Variants in CC2D2A observed in about 807,000 individuals in gnomAD.
CC2D2A encodes coiled-coil and C2 domain containing 2A.
A neutral mutation model predicts 212.9 loss-of-function variants in CC2D2A; 155 were observed. That is an observed-to-expected ratio of 0.73 (90% CI 0.64 to 0.83). The LOEUF (loss-of-function observed/expected upper bound fraction) is 0.83. Among genes scored for constraint, CC2D2A ranks in the 40% least tolerant of loss-of-function variants. The probability of loss-of-function intolerance (pLI) is 0.00; values close to 1 mark genes in which losing one functional copy is unlikely to be tolerated. For missense variants in CC2D2A, 1,856 were observed against 1,956.2 expected (o/e 0.95, Z 0.97); for synonymous variants, 667 against 686.5 (o/e 0.97, Z 0.44).
At position 15,580,045 on chromosome 4, in the gene CC2D2A, T is replaced by C; in HGVS notation, c.3849T>C (p.Asn1283=). Residue 1283 remains asparagine, a synonymous_variant, in exon 30 of 37, where the codon AAT becomes AAC. Coordinates refer to ENST00000424120, the MANE Select transcript of CC2D2A (RefSeq NM_001378615.1). ...FQAECALKFP[N]RQCLTTVIDI... is the part of the protein sequence containing the mutation. The stretch of plus-strand genomic sequence containing the variant: ...CTGAATGTGCCTTAAAGTTTCCAAA[T>C]CGTCAGTGCCTTACAACAGTAATTG... The C allele has an allele frequency of 6.2e-7, 1 of 1,613,978 alleles. No homozygotes were observed. The highest frequency in any genetic ancestry group is 8.5e-7 in the Non-Finnish European group (1 of 1,179,874).
chr4:15,587,226 G>T (rs1720891116), intron 31 of CC2D2A, among the ~76,000 whole-genome samples: 1 of 152,202 alleles, frequency 6.6e-6, no homozygotes. Flanking sequence ...ACTCCTATGA[G>T]AATCTAATGC....
intron 28 of CC2D2A, among the ~76,000 whole-genome samples, chr4:15,573,863 T>C (rs1041041250): frequency 1.3e-5 from 2 of 152,226 alleles, no homozygotes; most frequent in African/African-American, 4.8e-5. Context: ...GATTCCTCAT[T>C]TGTAAACCAA....
chr4:15,518,015 C>T (rs1284012659), intron 11 of CC2D2A, among the ~76,000 whole-genome samples: 2 of 152,140 alleles, frequency 1.3e-5, no homozygotes, highest in African/African-American at 4.8e-5. Context: ...CCCGGTTCCT[C>T]CCATGAAACC....
chr4:15,502,769 T>C, intron 5 of CC2D2A, 53 bp from the exon 6 acceptor site: 1 of 1,450,954 alleles, frequency 6.9e-7, no homozygotes. Context: ...TTACTGATTA[T>C]TTCTCGGCAT....
At chr4:15,498,563 T>C (rs540542601) in intron 4 of CC2D2A, among the ~76,000 whole-genome samples, 1 of 152,312 alleles carries the variant, frequency 6.6e-6, no homozygotes, top group African/African-American at 2.4e-5. Context: ...ATCATGCAGC[T>C]GATTAGTAAT....
chr4:15,487,823 G>C (rs1199917541), intron 4 of CC2D2A, among the ~76,000 whole-genome samples: 1 of 134,276 alleles, frequency 7.4e-6, no homozygotes, highest in Admixed American at 7.6e-5. Flanking sequence ...ATAGGTTTTT[G>C]CTCTGTGATT....
At chr4:15,522,465 T>C (rs1474831101) in intron 11 of CC2D2A, among the ~76,000 whole-genome samples, 1 of 152,074 alleles carries the variant, frequency 6.6e-6, no homozygotes, top group Non-Finnish European at 1.5e-5. Flanking sequence ...ATTTAAGAGT[T>C]TTATTTAGAA....
At position 15,599,677 on chromosome 4, in the gene CC2D2A, G is replaced by C; in HGVS notation, c.4645G>C (p.Glu1549Gln). The C allele has an allele frequency of 1.9e-6, 3 of 1,612,340 alleles. No individual in the cohort carries two copies. The highest frequency in any genetic ancestry group is 2.5e-6 in the Non-Finnish European group (3 of 1,178,716). The stretch of plus-strand genomic sequence containing the variant: ...AGATGTAGAAGATGACCACAGAGCA[G>C]AACTGCTAAAACAGCTGGGAGACTA... ...GEDVEDDHRA[E>Q]LLKQLGDYRF... Residue 1549 changes from glutamate (E) to glutamine (Q), a missense_variant, in exon 36 of 37, where the codon GAA becomes CAA. By Grantham distance (29) the Glu-to-Gln change is conservative. Around this residue, in one of 5 missense-constraint regions of CC2D2A, gnomAD observed 285 missense variants for 278.4 expected, o/e 1.02. Coordinates refer to ENST00000424120, the MANE Select transcript of CC2D2A (RefSeq NM_001378615.1).
intron 11 of CC2D2A, among the ~76,000 whole-genome samples, chr4:15,523,697 A>G (rs963650971): frequency 2.6e-5 from 4 of 152,226 alleles, no homozygotes; most frequent in Non-Finnish European, 4.4e-5. Context: ...GGCTAGGACC[A>G]GGGATTTGAT....
intron 4 of CC2D2A, among the ~76,000 whole-genome samples, chr4:15,491,694 C>T (rs376932075): frequency 3.3e-5 from 5 of 152,246 alleles, no homozygotes; most frequent in Admixed American, 1.3e-4. Context: ...CATGAGCCAC[C>T]GCACCCAGCT....
chr4:15,592,698 AC>A (rs1721164051), intron 33 of CC2D2A, among the ~76,000 whole-genome samples: 1 of 152,170 alleles, frequency 6.6e-6, no homozygotes, highest in African/African-American at 2.4e-5. Flanking sequence ...TTCTAGGACC[AC>A]ACCTATTATT....
In CC2D2A at chr4:15,514,844, G is replaced by T. The variant is rs367838364; in HGVS notation, c.855G>T (p.Met285Ile). 6.2e-7 allele frequency: 1 copy of T among 1,613,870 alleles called. No homozygotes were observed. The highest frequency in any genetic ancestry group is 8.5e-7 in the Non-Finnish European group (1 of 1,179,808). The change falls in exon 9 of 37, where the codon ATG (methionine) becomes ATT (isoleucine). Residue 285 changes from methionine (M) to isoleucine (I), a missense_variant. By Grantham distance (10) the Met-to-Ile change is conservative. Coordinates refer to ENST00000424120, the MANE Select transcript of CC2D2A (RefSeq NM_001378615.1). Reference sequence around the variant, plus strand: ...ATCGGCTGCAGATGGAAAGAGAAATGCTCTTCATACCCAGTAGGCAGACAG... The same window carrying T: ...ATCGGCTGCAGATGGAAAGAGAAATTCTCTTCATACCCAGTAGGCAGACAG... ...IHDRLQMERE[M>I]LFIPSRQTVP... is the part of the protein sequence containing the mutation.
At chr4:15,498,452 T>G (rs555562128) in intron 4 of CC2D2A, among the ~76,000 whole-genome samples, 1 of 152,342 alleles carries the variant, frequency 6.6e-6, no homozygotes, top group African/African-American at 2.4e-5. Flanking sequence ...AAGGGCCATT[T>G]TCTGAATACG....
chr4:15,526,076 G>A (rs1158916917), intron 11 of CC2D2A, among the ~76,000 whole-genome samples: 1 of 152,120 alleles, frequency 6.6e-6, no homozygotes, highest in Non-Finnish European at 1.5e-5. Flanking sequence ...TCTAATGCTG[G>A]AATCCCCTCT....
In CC2D2A at chr4:15,524,224, C is replaced by G. The variant is rs1440781479; in HGVS notation, c.1150-3223C>G. On this transcript the variant is annotated intron_variant, in intron 11 of 36. Coordinates refer to ENST00000424120, the MANE Select transcript of CC2D2A (RefSeq NM_001378615.1). Reference sequence around the variant, plus strand: ...TCTCGGCTCACTGCAACCTCCGCCTCCTGGGTTCAAGCAATTCTCTGCCTC... The same window carrying G: ...TCTCGGCTCACTGCAACCTCCGCCTGCTGGGTTCAAGCAATTCTCTGCCTC... 2.0e-5 allele frequency among the ~76,000 whole-genome samples: 3 copies of G among 152,058 alleles called. No individual in the cohort carries two copies. The East Asian group carries it at 5.8e-4, about 29-fold the overall frequency.
intron 6 of CC2D2A, among the ~76,000 whole-genome samples, chr4:15,508,296 C>A (rs1192087842): frequency 6.6e-6 from 1 of 152,186 alleles, no homozygotes; most frequent in Non-Finnish European, 1.5e-5. Context: ...TCCCAGTCCC[C>A]AGTTCCTGTT....
At chr4:15,554,489 A>G (rs372721791) in intron 19 of CC2D2A, among the ~76,000 whole-genome samples, 1 of 152,200 alleles carries the variant, frequency 6.6e-6, no homozygotes, top group South Asian at 2.1e-4. Flanking sequence ...CCTAGCCAAC[A>G]TGGCAAAACC....
chr4:15,500,099 G>GTATACATATATATATATATATA (rs71179633), intron 4 of CC2D2A, among the ~76,000 whole-genome samples: 10 of 69,824 alleles, frequency 1.4e-4, no homozygotes, highest in African/African-American at 4.0e-4. Flanking sequence ...GTGTGTGTGT[G>GTATACATATATATATATATATA]TGTGTGTGTA....
rs571066880 is a variant in CC2D2A, at chr4:15,483,121, G to A, written c.247+2294G>A. Among the ~76,000 whole-genome samples, 14 of 152,374 alleles carry A rather than the reference G, an allele frequency of 9.2e-5. No individual in the cohort carries two copies. In the South Asian group the frequency reaches 2.5e-3, roughly 27 times the overall value. On this transcript the variant is annotated intron_variant, in intron 4 of 36. Coordinates refer to ENST00000424120, the MANE Select transcript of CC2D2A (RefSeq NM_001378615.1). Reference sequence around the variant, plus strand: ...AAGGAGTCTGTGGAGCCAGGCATCTGTCAGAAATGAGAAGTCAAAGCCAGC... The same window carrying A: ...AAGGAGTCTGTGGAGCCAGGCATCTATCAGAAATGAGAAGTCAAAGCCAGC...
Sources: allele counts gnomAD v4.1 joint callset (sites outside exome capture counted in the v4.1 genomes callset), GRCh38; gene constraint gnomAD v4.1.1; regional missense constraint gnomAD v4.1.1; transcripts MANE v1.5; gene names NCBI Gene and HGNC (gene_info 2026-07-23, HGNC 2026-07-21).